The following NEK11 variants were observed in gnomAD, a reference collection of about 807,000 sequenced individuals.
NEK11 encodes serine/threonine-protein kinase Nek11.
NEK11 carries 72 observed loss-of-function variants against 80.7 expected under a neutral mutation model. The observed-to-expected ratio is 0.89, with a 90% CI of 0.74 to 1.08. The LOEUF is 1.08. NEK11 is among the 50% of genes least tolerant of loss of function. The pLI is 0.00. For missense variants in NEK11, 764 were observed against 763.6 expected, an observed-to-expected ratio of 1.00 and a Z score of -0.01; for synonymous variants, 251 against 260.7, an observed-to-expected ratio of 0.96 and a Z score of 0.36.
intron 14 of NEK11, chr3:131,174,682 A>G: frequency 2.2e-6 from 3 of 1,393,292 alleles, no homozygotes; most frequent in South Asian, 2.7e-5. Context: ...AACTTCTTAT[A>G]TGTAATGCTA....
chr3:131,152,261 A>T, intron 7 of NEK11, 127 bp from the exon 8 acceptor site: 1 of 706,052 alleles, frequency 1.4e-6, no homozygotes, highest in Non-Finnish European at 2.3e-6. Context: ...CTGCAGTTTT[A>T]AGTCAACTAC....
intron 14 of NEK11, among the ~76,000 whole-genome samples, chr3:131,172,427 G>A (rs1215004530): frequency 1.3e-5 from 2 of 152,232 alleles, no homozygotes; most frequent in African/African-American, 4.8e-5. Context: ...AGCTGTTAAA[G>A]CCTGTGCTGC....
chr3:131,322,655 G>A (rs906283370), intron 17 of NEK11, among the ~76,000 whole-genome samples: 3 of 152,186 alleles, frequency 2.0e-5, no homozygotes, highest in Non-Finnish European at 4.4e-5. Flanking sequence ...CTGAGGAGGG[G>A]TGAGAGATTC....
chr3:131,155,671 G>C (rs939243571), intron 10 of NEK11, among the ~76,000 whole-genome samples: 2 of 152,148 alleles, frequency 1.3e-5, no homozygotes. Flanking sequence ...TCTATAACTT[G>C]CAAGAACCCA....
chr3:131,264,425 G>A (rs974242124), intron 16 of NEK11, among the ~76,000 whole-genome samples: 12 of 152,158 alleles, frequency 7.9e-5, no homozygotes, highest in East Asian at 5.8e-4. Context: ...TCATCTTTCT[G>A]CATATGGCTA....
intron 3 of NEK11, among the ~76,000 whole-genome samples, chr3:131,049,686 G>C (rs1326140830): frequency 6.6e-6 from 1 of 152,126 alleles, no homozygotes; most frequent in Non-Finnish European, 1.5e-5. Flanking sequence ...AAACTATGCA[G>C]AACCAAGATG....
intron 13 of NEK11, 34 bp from the exon 14 acceptor site, chr3:131,170,739 A>G (rs369288724): frequency 4.6e-6 from 6 of 1,291,732 alleles, no homozygotes; most frequent in Admixed American, 1.7e-5. Flanking sequence ...TCCTTCTATC[A>G]GCATCTCATG....
chr3:131,119,595 G>A (rs751012812), intron 5 of NEK11, among the ~76,000 whole-genome samples: 6 of 152,140 alleles, frequency 3.9e-5, no homozygotes, highest in Non-Finnish European at 4.4e-5. Flanking sequence ...TTATTATTGT[G>A]TGGGAGTCTA....
At chr3:131,275,360 C>G (rs2096275697) in intron 17 of NEK11, among the ~76,000 whole-genome samples, 1 of 152,158 alleles carries the variant, frequency 6.6e-6, no homozygotes, top group African/African-American at 2.4e-5. Flanking sequence ...GCAAAGTACA[C>G]AATACCCCAT....
At chr3:131,170,987 C>T (rs2092652284) in intron 14 of NEK11, 100 bp downstream of exon 14, 2 of 827,498 alleles carry the variant, frequency 2.4e-6, no homozygotes, top group Non-Finnish European at 4.3e-6. Context: ...GGGAGAAGCT[C>T]TGAGTGTGTG....
chr3:131,323,294 A>C (rs2096916590), intron 17 of NEK11, among the ~76,000 whole-genome samples: 1 of 152,232 alleles, frequency 6.6e-6, no homozygotes, highest in African/African-American at 2.4e-5. Context: ...GCAGGTGCTA[A>C]AGCACAGCTC....
chr3:131,224,703 A>T (rs993371067), intron 14 of NEK11, among the ~76,000 whole-genome samples: 8 of 152,130 alleles, frequency 5.3e-5, no homozygotes, highest in African/African-American at 1.9e-4. Context: ...TAGTGGGACA[A>T]GATGTGGAGG....
At chr3:131,184,030 G>A (rs1285076472) in intron 14 of NEK11, among the ~76,000 whole-genome samples, 3 of 152,130 alleles carry the variant, frequency 2.0e-5, no homozygotes, top group African/African-American at 7.2e-5. Flanking sequence ...CCATCATGAT[G>A]TCATTCGATG....
chr3:131,224,119 G>A (rs972012392), intron 14 of NEK11, among the ~76,000 whole-genome samples: 1 of 152,110 alleles, frequency 6.6e-6, no homozygotes, highest in Admixed American at 6.6e-5. Context: ...CATACTTGTG[G>A]TGATGCTGGG....
At chr3:131,266,729 G>A (rs1004955212) in intron 16 of NEK11, among the ~76,000 whole-genome samples, 4 of 152,168 alleles carry the variant, frequency 2.6e-5, no homozygotes, top group Non-Finnish European at 4.4e-5. Flanking sequence ...GGTCTGCCTG[G>A]TCCAGATCTG....
intron 16 of NEK11, among the ~76,000 whole-genome samples, chr3:131,265,280 C>A (rs992857836): frequency 6.6e-6 from 1 of 152,134 alleles, no homozygotes; most frequent in Non-Finnish European, 1.5e-5. Flanking sequence ...AGAGGTCATT[C>A]TTGTCTTGTG....
chr3:131,229,054 T>C (rs1470165857), intron 15 of NEK11, among the ~76,000 whole-genome samples: 9 of 152,206 alleles, frequency 5.9e-5, no homozygotes, highest in Non-Finnish European at 1.3e-4. Context: ...CTTTTCTGTC[T>C]GGTAATCATA....
intron 4 of NEK11, among the ~76,000 whole-genome samples, chr3:131,086,730 C>T (rs1389246011): frequency 2.0e-5 from 3 of 152,158 alleles, no homozygotes; most frequent in African/African-American, 7.2e-5. Context: ...GATAGATGCT[C>T]CTTTTCTTGG....
At chr3:131,052,000 G>C (rs1466297696) in intron 3 of NEK11, among the ~76,000 whole-genome samples, 2 of 152,064 alleles carry the variant, frequency 1.3e-5, no homozygotes, top group Non-Finnish European at 2.9e-5. Context: ...TCCCCAAAAG[G>C]TAACCACTGT....
Sources: allele counts gnomAD v4.1 joint callset (sites outside exome capture counted in the v4.1 genomes callset), GRCh38; gene constraint gnomAD v4.1.1; transcripts MANE v1.5; gene names NCBI Gene and HGNC (gene_info 2026-07-23, HGNC 2026-07-21).